Variants in CARMIL1 observed in about 807,000 individuals in gnomAD.
CARMIL1 encodes the protein capping protein regulator and myosin 1 linker 1, also known as F-actin-uncapping protein LRRC16A.
CARMIL1 carries 90 observed loss-of-function variants against 177.1 expected under a neutral mutation model. The observed-to-expected ratio is 0.51, with a 90% CI of 0.43 to 0.61. The LOEUF is 0.61. CARMIL1 is among the 20% of genes least tolerant of loss of function. CARMIL1 has a pLI of 0.00. For synonymous variants in CARMIL1, 577 were observed against 606.2 expected, an observed-to-expected ratio of 0.95 and a Z score of 0.71; for missense variants, 1,380 against 1,667.0, an observed-to-expected ratio of 0.83 and a Z score of 3.00.
Position 25,452,240 on chromosome 6 carries a change from T to G in CARMIL1, c.614+1529T>G, listed in dbSNP as rs561450873. 61 of 763,456 alleles carry G rather than the reference T, an allele frequency of 8.0e-5. No homozygotes were observed. The African/African-American group carries it at 9.6e-4, about 12-fold the overall frequency. The allele number at this position is 763,456 out of a possible 1,614,324, so 47.3% of individuals were successfully genotyped here. On this transcript the variant is annotated intron_variant, in intron 8 of 36. Coordinates refer to ENST00000329474, the MANE Select transcript of CARMIL1 (RefSeq NM_017640.6). The stretch of plus-strand genomic sequence containing the variant: ...TTCTCAGGCAATTTTTTTTTTTTCC[T>G]GCTTAGAGCAGTTCTCCTTCTTCCT...
At chr6:25,332,804 A>T (rs546648652) in intron 2 of CARMIL1, among the ~76,000 whole-genome samples, 2 of 116,446 alleles carry the variant, frequency 1.7e-5, no homozygotes, top group Admixed American at 8.6e-5. Flanking sequence ...TCTTTTAGGG[A>T]ACTTCTCATG....
chr6:25,370,350 A>G (rs1476138206), intron 2 of CARMIL1, among the ~76,000 whole-genome samples: 2 of 152,150 alleles, frequency 1.3e-5, no homozygotes, highest in African/African-American at 4.8e-5. Context: ...CCTTTTGACC[A>G]CAGCGCCAAG....
Position 25,426,602 on chromosome 6 carries a change from T to A in CARMIL1, c.249+42T>A, listed in dbSNP as rs368702726. ...GATCACTGCAAGATCATGATCTTTC[T>A]TGAATTCTTGAAACCCTAAAATGTT... On this transcript the variant is annotated intron_variant, in intron 4 of 36. Transcript: ENST00000329474. 862 of 1,540,522 alleles carry A rather than the reference T, an allele frequency of 5.6e-4. 1 individual carries two copies. Among genetic ancestry groups the A allele is most frequent in the Non-Finnish European group, 7.2e-4 (811 of 1,120,744 alleles).
intron 2 of CARMIL1, among the ~76,000 whole-genome samples, chr6:25,377,328 C>T (rs758727109): frequency 1.8e-4 from 27 of 152,274 alleles, no homozygotes; most frequent in Non-Finnish European, 2.9e-4. Context: ...AAGAAACTTC[C>T]CAGAAATGGG....
At chr6:25,382,118 G>A (rs1791610002) in intron 2 of CARMIL1, among the ~76,000 whole-genome samples, 1 of 151,974 alleles carries the variant, frequency 6.6e-6, no homozygotes, top group South Asian at 2.1e-4. Context: ...ATTTTTTTAA[G>A]ACAGAGTCTC....
chr6:25,288,323 C>A (rs965824876), intron 2 of CARMIL1, among the ~76,000 whole-genome samples: 6 of 152,042 alleles, frequency 3.9e-5, no homozygotes, highest in Non-Finnish European at 8.8e-5. Flanking sequence ...TGAGTCCTGT[C>A]CTTGCAGTTG....
chr6:25,425,320 G>A (rs1279775281), intron 3 of CARMIL1, among the ~76,000 whole-genome samples: 1 of 152,128 alleles, frequency 6.6e-6, no homozygotes, highest in African/African-American at 2.4e-5. Flanking sequence ...TGGAGATTCA[G>A]GGGTTTTCTG....
chr6:25,490,931 A>AGTATCCAGTG (rs1274110246), intron 13 of CARMIL1, among the ~76,000 whole-genome samples: 1 of 152,216 alleles, frequency 6.6e-6, no homozygotes, highest in Non-Finnish European at 1.5e-5. Flanking sequence ...TGTTTTTGCA[A>AGTATCCAGTG]GTATCCAGTG....
At chr6:25,318,369 G>A (rs141312667) in intron 2 of CARMIL1, among the ~76,000 whole-genome samples, 3 of 152,160 alleles carry the variant, frequency 2.0e-5, no homozygotes, top group Admixed American at 1.3e-4. Flanking sequence ...GAACAGGGAC[G>A]AATATATGTG....
chr6:25,456,762 C>A (rs1463130362), intron 8 of CARMIL1, among the ~76,000 whole-genome samples: 1 of 152,126 alleles, frequency 6.6e-6, no homozygotes, highest in Non-Finnish European at 1.5e-5. Context: ...GAGCTAATCC[C>A]ATCAATTCTT....
intron 2 of CARMIL1, among the ~76,000 whole-genome samples, chr6:25,381,851 T>C (rs1382109366): frequency 6.6e-6 from 1 of 152,130 alleles, no homozygotes; most frequent in African/African-American, 2.4e-5. Flanking sequence ...CCATCCCTTC[T>C]TCCCTCCCCA....
intron 5 of CARMIL1, among the ~76,000 whole-genome samples, chr6:25,442,448 A>G (rs757544398): frequency 3.0e-4 from 45 of 149,274 alleles, no homozygotes; most frequent in Admixed American, 2.3e-3. Context: ...CTTTCTGTCT[A>G]TTTAACAGTG....
chr6:25,554,922 C>G lies in CARMIL1; in HGVS notation c.2592+826C>G, dbSNP rs1372584123. The stretch of plus-strand genomic sequence containing the variant: ...AGAGGAGCAGCAATAGCTTCTTCTG[C>G]GTGAAACAGACAAAATGCATGTTTT... On this transcript the variant is annotated intron_variant, in intron 28 of 36. Coordinates refer to ENST00000329474, the MANE Select transcript of CARMIL1 (RefSeq NM_017640.6). The surrounding 1 kb of genome is among the most constrained non-coding windows in gnomAD (Gnocchi z 4.6). Among the ~76,000 whole-genome samples, 1 of 152,110 alleles carries G rather than the reference C, an allele frequency of 6.6e-6. No homozygotes were observed. The highest frequency in any genetic ancestry group is 1.5e-5 in the Non-Finnish European group (1 of 68,016).
chr6:25,572,257 A>G (rs1487129228), intron 29 of CARMIL1, among the ~76,000 whole-genome samples: 2 of 152,218 alleles, frequency 1.3e-5, no homozygotes, highest in African/African-American at 2.4e-5. Flanking sequence ...AATGTTAACA[A>G]TTGCTGAATC....
At chr6:25,501,566 C>T (rs1325520537) in intron 17 of CARMIL1, among the ~76,000 whole-genome samples, 1 of 152,120 alleles carries the variant, frequency 6.6e-6, no homozygotes, top group Non-Finnish European at 1.5e-5. Flanking sequence ...TATCTGTCTG[C>T]CAAGTTTCTT....
At chr6:25,394,376 A>G (rs2149229) in intron 2 of CARMIL1, among the ~76,000 whole-genome samples, 20,800 of 152,236 alleles carry the variant, frequency 0.14, 1,654 homozygotes, top group East Asian at 0.32. Flanking sequence ...GGAAACTGAG[A>G]CACAGAGAGG....
chr6:25,517,804 A>G (rs1806160063), intron 22 of CARMIL1, among the ~76,000 whole-genome samples: 1 of 152,230 alleles, frequency 6.6e-6, no homozygotes, highest in Non-Finnish European at 1.5e-5. Context: ...TGGTGAGAAG[A>G]AAGCTGAGGT....
rs1582522991 is a variant in CARMIL1, at chr6:25,610,333, C to T, written c.3979+152C>T. Among the ~76,000 whole-genome samples the T allele has an allele frequency of 2.0e-5, 3 of 152,158 alleles. No homozygotes were observed. The South Asian group carries it at 6.2e-4, about 32-fold the overall frequency. ...TAAATTTTTGGAAATGGAGTAGTTT[C>T]TTAGTTCAGAAACTTGATTCAGCAT... On this transcript the variant is annotated intron_variant, in intron 36 of 36. Coordinates refer to ENST00000329474, the MANE Select transcript of CARMIL1 (RefSeq NM_017640.6).
chr6:25,488,181 A>G (rs1358062300), intron 12 of CARMIL1, among the ~76,000 whole-genome samples: 1 of 152,226 alleles, frequency 6.6e-6, no homozygotes, highest in African/African-American at 2.4e-5. Context: ...GATTGCTTTC[A>G]TCATTCTAAG....
Sources: allele counts gnomAD v4.1 joint callset (sites outside exome capture counted in the v4.1 genomes callset), GRCh38; gene constraint gnomAD v4.1.1; non-coding constraint Gnocchi (gnomAD v3.1); transcripts MANE v1.5; gene names NCBI Gene and HGNC (gene_info 2026-07-23, HGNC 2026-07-21).